NLGN1: variants seen among roughly 807,000 people sequenced by gnomAD.
The protein encoded by NLGN1 is neuroligin-1.
In NLGN1, 12 loss-of-function variants were observed where a neutral mutation model predicts 65.5. The ratio of observed to expected loss-of-function variants is 0.18; its 90% CI spans 0.12 to 0.30. The LOEUF is 0.30. Ranked by LOEUF, NLGN1 falls within the 10% of genes least tolerant of loss-of-function variation. The pLI is 1.00. For missense variants in NLGN1, 750 were observed against 1,007.1 expected (o/e 0.74, Z 3.46); for synonymous variants, 350 against 359.5 (o/e 0.97, Z 0.30).
At chr3:173,570,998 A>G (rs555972698) in intron 2 of NLGN1, among the ~76,000 whole-genome samples, 1 of 152,262 alleles carries the variant, frequency 6.6e-6, no homozygotes, top group Non-Finnish European at 1.5e-5. Context: ...CACCATGCCC[A>G]GCCTATTAAT....
At chr3:173,646,332 T>G (rs1017649194) in intron 3 of NLGN1, among the ~76,000 whole-genome samples, 1 of 152,232 alleles carries the variant, frequency 6.6e-6, no homozygotes, top group African/African-American at 2.4e-5. Context: ...TTCCTGCTAC[T>G]GAAGCAAGAG....
intron 4 of NLGN1, among the ~76,000 whole-genome samples, chr3:174,026,384 C>T (rs1032367530): frequency 2.6e-5 from 4 of 152,126 alleles, no homozygotes; most frequent in Non-Finnish European, 4.4e-5. Context: ...TTTTGGCCTC[C>T]CAAAGTTTTG....
At chr3:174,120,348 A>AG (rs1014183276) in intron 4 of NLGN1, among the ~76,000 whole-genome samples, 2 of 151,702 alleles carry the variant, frequency 1.3e-5, no homozygotes, top group Non-Finnish European at 2.9e-5. Context: ...TATAAATAAA[A>AG]AAAAAAAAAT....
chr3:173,804,792 C>T (rs188359987), intron 3 of NLGN1, among the ~76,000 whole-genome samples: 25 of 152,044 alleles, frequency 1.6e-4, no homozygotes, highest in East Asian at 7.7e-4. Flanking sequence ...TTTGGGAGGC[C>T]GAGGAGGGCA....
chr3:174,166,482 G>T (rs1727517149), intron 4 of NLGN1, among the ~76,000 whole-genome samples: 1 of 151,946 alleles, frequency 6.6e-6, no homozygotes, highest in Non-Finnish European at 1.5e-5. Context: ...CCATATAATG[G>T]TATGGTTTTG....
At chr3:173,742,150 A>G (rs1367774209) in intron 3 of NLGN1, among the ~76,000 whole-genome samples, 2 of 152,126 alleles carry the variant, frequency 1.3e-5, no homozygotes, top group Non-Finnish European at 2.9e-5. Context: ...TAACTATACT[A>G]CAATTTCTTA....
intron 4 of NLGN1, among the ~76,000 whole-genome samples, chr3:174,048,074 C>A (rs1734011666): frequency 2.0e-5 from 3 of 152,054 alleles, no homozygotes; most frequent in Non-Finnish European, 2.9e-5. Flanking sequence ...ACTTATCTGT[C>A]CTCCATACTC....
chr3:173,929,085 T>C (rs1255266937), intron 4 of NLGN1, among the ~76,000 whole-genome samples: 4 of 152,182 alleles, frequency 2.6e-5, no homozygotes, highest in Non-Finnish European at 1.5e-5. Flanking sequence ...GTGAAATAGG[T>C]TCTATGTATC....
At chr3:173,460,450 C>T (rs1723193535) in intron 2 of NLGN1, among the ~76,000 whole-genome samples, 1 of 152,072 alleles carries the variant, frequency 6.6e-6, no homozygotes, top group Non-Finnish European at 1.5e-5. Flanking sequence ...CTTGGCATCG[C>T]TTCTTCCCAT....
At chr3:173,452,694 C>T (rs1018597004) in intron 2 of NLGN1, among the ~76,000 whole-genome samples, 11 of 152,006 alleles carry the variant, frequency 7.2e-5, no homozygotes, top group East Asian at 3.9e-4. Flanking sequence ...GGTTATCTAG[C>T]GAAACAGAAC....
intron 2 of NLGN1, among the ~76,000 whole-genome samples, chr3:173,472,239 A>T (rs192099166): frequency 2.7e-3 from 415 of 152,196 alleles, no homozygotes; most frequent in Non-Finnish European, 4.5e-3. Context: ...TATCTCTTAA[A>T]ATTTGACCAC....
At chr3:173,821,621 C>G (rs1305857257) in intron 4 of NLGN1, among the ~76,000 whole-genome samples, 1 of 152,024 alleles carries the variant, frequency 6.6e-6, no homozygotes, top group Non-Finnish European at 1.5e-5. Flanking sequence ...GTTTTAGTAT[C>G]AATCTGTACT....
At chr3:173,921,865 TGAAACA>T (rs2152265610) in intron 4 of NLGN1, among the ~76,000 whole-genome samples, 1 of 152,310 alleles carries the variant, frequency 6.6e-6, no homozygotes, top group African/African-American at 2.4e-5. Context: ...ACTGGCTGAC[TGAAACA>T]GACCCTTAGG....
At position 173,797,959 on chromosome 3, in the gene NLGN1, A is replaced by C. The variant is rs183517566; in HGVS notation, c.494-9721A>C. Among the ~76,000 whole-genome samples, 196 of 152,218 alleles carry C rather than the reference A, an allele frequency of 1.3e-3. 1 individual carries two copies. Among genetic ancestry groups the C allele is most frequent in the African/African-American group, 4.4e-3 (184 of 41,574 alleles). On this transcript the variant is annotated intron_variant, in intron 3 of 6. Transcript: ENST00000457714. ...TAGAAAGCACTGGCTCAGTGGCTAT[A>C]TAAGCTGAATGATTCCTCATAGAAA... is the stretch of plus-strand genomic sequence containing the variant.
chr3:173,665,685 A>G (rs745416793), intron 3 of NLGN1, among the ~76,000 whole-genome samples: 42 of 152,324 alleles, frequency 2.8e-4, no homozygotes, highest in Non-Finnish European at 5.7e-4. Flanking sequence ...TGCTAGGACA[A>G]CATAAAAAAG....
intron 4 of NLGN1, among the ~76,000 whole-genome samples, chr3:173,878,772 G>A (rs1457620032): frequency 2.0e-5 from 3 of 151,790 alleles, no homozygotes; most frequent in Non-Finnish European, 4.4e-5. Context: ...TAGGGATATA[G>A]CAGAGAAGAA....
chr3:174,147,904 T>C (rs970117215), intron 4 of NLGN1, among the ~76,000 whole-genome samples: 1 of 152,160 alleles, frequency 6.6e-6, no homozygotes, highest in Non-Finnish European at 1.5e-5. Flanking sequence ...AATATTATTA[T>C]ACTTTAAACA....
chr3:173,637,484 C>G (rs909746436), intron 3 of NLGN1, among the ~76,000 whole-genome samples: 1 of 151,888 alleles, frequency 6.6e-6, no homozygotes, highest in Admixed American at 6.6e-5. Flanking sequence ...TTCTCTTGTT[C>G]TAGTTACTGT....
chr3:174,019,389 C>G (rs1727267262), intron 4 of NLGN1, among the ~76,000 whole-genome samples: 1 of 152,080 alleles, frequency 6.6e-6, no homozygotes, highest in Non-Finnish European at 1.5e-5. Flanking sequence ...CACTCTTGCC[C>G]TCTTGCCATT....
Sources: allele counts gnomAD v4.1 joint callset (sites outside exome capture counted in the v4.1 genomes callset), GRCh38; gene constraint gnomAD v4.1.1; transcripts MANE v1.5; gene names NCBI Gene and HGNC (gene_info 2026-07-23, HGNC 2026-07-21).